FDFT1: variants seen among roughly 807,000 people sequenced by gnomAD.
The protein encoded by FDFT1 is squalene synthase.
FDFT1 carries 68 observed loss-of-function variants against 46.8 expected under a neutral mutation model. The ratio of observed to expected loss-of-function variants is 1.45; its 90% CI spans 1.19 to 1.78. The LOEUF (loss-of-function observed/expected upper bound fraction) is 1.78. FDFT1 is among the 40% of genes most tolerant of loss of function. FDFT1 has a pLI of 0.00. For missense variants in FDFT1, 928 were observed against 524.4 expected (o/e 1.77, Z -7.52); for synonymous variants, 351 against 185.1 (o/e 1.90, Z -7.28).
chr8:11,802,051 T>TA (rs1193092551), upstream of FDFT1: 7 of 455,748 alleles, frequency 1.5e-5, no homozygotes, highest in African/African-American at 4.0e-5. Flanking sequence ...ACATTCCTGT[T>TA]ACAGGCTCTC....
rs749268180 is a variant in FDFT1, at chr8:11,838,795, C to T, written c.*186C>T. The T allele has an allele frequency of 5.0e-6, 3 of 601,596 alleles. No homozygotes were observed. In the East Asian group the frequency reaches 8.7e-5, roughly 17 times the overall value. The allele number at this position is 601,596 out of a possible 1,614,324, so 37.3% of individuals were successfully genotyped here. On this transcript the variant is annotated 3_prime_UTR_variant, in exon 8 of 8. Transcript: ENST00000220584. ...ACCTAAACATGAAAGGAAAGGGTGC[C>T]TCATCCCAGCAACCTGTCCTTGTGG...
chr8:11,796,197 G>T (rs943608397), intron 1 of FDFT1, among the ~76,000 whole-genome samples: 3 of 152,204 alleles, frequency 2.0e-5, no homozygotes, highest in African/African-American at 7.2e-5. Context: ...CTACTGTAAT[G>T]GGAGTATGTA....
chr8:11,811,360 C>G (rs1345100688), intron 3 of FDFT1, among the ~76,000 whole-genome samples: 1 of 152,174 alleles, frequency 6.6e-6, no homozygotes, highest in Non-Finnish European at 1.5e-5. Context: ...GACCTAGCCT[C>G]TAGAAACAGC....
chr8:11,797,403 T>C (rs1159937435), upstream of FDFT1, among the ~76,000 whole-genome samples: 2 of 152,176 alleles, frequency 1.3e-5, no homozygotes, highest in African/African-American at 4.8e-5. Flanking sequence ...CACCATCACA[T>C]AACATGTCTG....
At chr8:11,809,878 G>A (rs776150022) in intron 3 of FDFT1, 28 bp downstream of exon 3, 9 of 1,570,794 alleles carry the variant, frequency 5.7e-6, no homozygotes, top group South Asian at 1.1e-5. Flanking sequence ...TCTTGTCTAC[G>A]GACTGTTGTG....
chr8:11,813,102 GGTAA>G (rs1309102001), intron 3 of FDFT1, among the ~76,000 whole-genome samples: 6 of 152,246 alleles, frequency 3.9e-5, no homozygotes, highest in African/African-American at 1.2e-4. Context: ...GGAGCACAGT[GGTAA>G]GTATTTGTGT....
upstream of FDFT1, chr8:11,801,937 C>T: frequency 2.2e-6 from 1 of 455,178 alleles, no homozygotes. Context: ...GATCCACCCG[C>T]CTTGGCCTCC....
intron 7 of FDFT1, among the ~76,000 whole-genome samples, chr8:11,833,702 TCTG>T (rs1205011559): frequency 6.6e-6 from 1 of 152,208 alleles, no homozygotes; most frequent in Non-Finnish European, 1.5e-5. Context: ...TTCTTTGTCT[TCTG>T]TGGCTGCTTT....
chr8:11,799,426 C>G (rs1188907347), upstream of FDFT1, among the ~76,000 whole-genome samples: 5 of 152,224 alleles, frequency 3.3e-5, no homozygotes, highest in Non-Finnish European at 2.9e-5. Context: ...TTAGTTGATT[C>G]TTCAAGTGTA....
chr8:11,818,884 G>C (rs1216564319), intron 3 of FDFT1, among the ~76,000 whole-genome samples: 2 of 152,176 alleles, frequency 1.3e-5, no homozygotes, highest in East Asian at 1.9e-4. Context: ...GTTTGAATTT[G>C]ATCTGTCATT....
chr8:11,836,604 C>T (rs868147429), intron 7 of FDFT1, among the ~76,000 whole-genome samples: 4 of 152,266 alleles, frequency 2.6e-5, no homozygotes, highest in South Asian at 2.1e-4. Flanking sequence ...AAATAAATGG[C>T]TGCATGCAAG....
At chr8:11,804,953 G>C (rs1237935113) in intron 1 of FDFT1, among the ~76,000 whole-genome samples, 1 of 131,488 alleles carries the variant, frequency 7.6e-6, no homozygotes, top group Non-Finnish European at 1.6e-5. Context: ...CCATCGTCCA[G>C]GCTAGAATGC....
intron 1 of FDFT1, among the ~76,000 whole-genome samples, chr8:11,806,549 C>T (rs943006635): frequency 5.3e-5 from 8 of 152,068 alleles, no homozygotes; most frequent in African/African-American, 1.9e-4. Flanking sequence ...GGGTAGTGTT[C>T]TTGAAGAGTG....
At chr8:11,824,951 G>A (rs1809761061) in intron 4 of FDFT1, among the ~76,000 whole-genome samples, 1 of 151,984 alleles carries the variant, frequency 6.6e-6, no homozygotes, top group Non-Finnish European at 1.5e-5. Context: ...TAGCCAGGAT[G>A]GTCTTGATCT....
At chr8:11,819,891 G>T (rs141188113) in intron 3 of FDFT1, among the ~76,000 whole-genome samples, 3 of 152,062 alleles carry the variant, frequency 2.0e-5, no homozygotes, top group Non-Finnish European at 4.4e-5. Context: ...TTCCTTTGCT[G>T]GTGAGGAGTT....
At chr8:11,821,343 A>G (rs1392034312) in intron 3 of FDFT1, among the ~76,000 whole-genome samples, 1 of 152,272 alleles carries the variant, frequency 6.6e-6, no homozygotes, top group Non-Finnish European at 1.5e-5. Flanking sequence ...CTGTAATCCC[A>G]GCAGTTTGGG....
intron 3 of FDFT1, among the ~76,000 whole-genome samples, chr8:11,810,395 G>A (rs762578436): frequency 1.1e-4 from 16 of 152,182 alleles, no homozygotes; most frequent in African/African-American, 1.4e-4. Context: ...GCATGGGGGC[G>A]GTGTCTGTTG....
chr8:11,819,266 T>C lies in FDFT1; in HGVS notation c.382-2484T>C, dbSNP rs528486383. Among the ~76,000 whole-genome samples the C allele has an allele frequency of 4.9e-4, 74 of 152,362 alleles. No individual in the cohort carries two copies. In the South Asian group the frequency reaches 9.1e-3, roughly 19 times the overall value. On this transcript the variant is annotated intron_variant, in intron 3 of 7. Transcript: ENST00000220584. Reference sequence around the variant, plus strand: ...TTGTGGGTAACCCGACCTTTCTCTCTGGCAGCCCTTAACATTTTTTCCTTC... The same window carrying C: ...TTGTGGGTAACCCGACCTTTCTCTCCGGCAGCCCTTAACATTTTTTCCTTC...
rs1407978594 is a variant in FDFT1 at position 11,809,739 on chromosome 8, G to T, written c.270G>T (p.Val90=). 3 of 1,613,950 alleles carry T rather than the reference G, an allele frequency of 1.9e-6. No individual in the cohort carries two copies. The highest frequency in any genetic ancestry group is 3.3e-5 in the Admixed American group (2 of 59,998). ...TGGAAGATGACATGACCATCAGTGT[G>T]GAAAAGAAGGTCCCGCTGTTACACA... ...DTLEDDMTIS[V]EKKVPLLHNF... Residue 90 remains valine (V), a synonymous_variant, in exon 3 of 8, where the codon GTG becomes GTT. Coordinates refer to ENST00000220584, the MANE Select transcript of FDFT1 (RefSeq NM_004462.5).
Sources: allele counts gnomAD v4.1 joint callset (sites outside exome capture counted in the v4.1 genomes callset), GRCh38; gene constraint gnomAD v4.1.1; transcripts MANE v1.5; gene names NCBI Gene and HGNC (gene_info 2026-07-23, HGNC 2026-07-21).